The following SEMA3D variants were observed in gnomAD, a reference collection of about 807,000 sequenced individuals.
The protein encoded by SEMA3D is semaphorin-3D.
Under a neutral mutation model 100.1 loss-of-function variants are expected in SEMA3D, and 84 were observed. The observed-to-expected ratio is 0.84, with a 90% CI of 0.70 to 1.01. The LOEUF (loss-of-function observed/expected upper bound fraction) is 1.01, where lower values mean the gene tolerates loss of function less well. Ranked by LOEUF, SEMA3D falls within the 50% of genes least tolerant of loss-of-function variation. The probability of loss-of-function intolerance (pLI) is 0.00; values close to 1 mark genes in which losing one functional copy is unlikely to be tolerated. For missense variants in SEMA3D, 875 were observed against 934.1 expected (o/e 0.94, Z 0.82); for synonymous variants, 312 against 320.7 (o/e 0.97, Z 0.29).
chr7:85,116,366 TTATA>T (rs981423977), intron 3 of SEMA3D, among the ~76,000 whole-genome samples: 1 of 146,390 alleles, frequency 6.8e-6, no homozygotes. Flanking sequence ...TATAATATAT[TTATA>T]TATATTTATA....
At chr7:85,196,512 T>G in the SEMA3D span, among the ~76,000 whole-genome samples, 1 of 151,866 alleles carries the variant, frequency 6.6e-6, no homozygotes. Flanking sequence ...ATTAAGAAAG[T>G]AAAAAATCAA....
At chr7:85,073,179 A>T (rs932495406) in intron 5 of SEMA3D, 98 bp from the exon 6 acceptor site, 28 of 1,066,970 alleles carry the variant, frequency 2.6e-5, no homozygotes, top group Non-Finnish European at 3.9e-5. Context: ...AATCTTCAAA[A>T]ATAAGAGCAC....
At chr7:85,156,544 G>A (rs189613682) in intron 1 of SEMA3D, among the ~76,000 whole-genome samples, 14 of 152,022 alleles carry the variant, frequency 9.2e-5, no homozygotes, top group Non-Finnish European at 1.6e-4. Context: ...AAATAATATC[G>A]CTTTAAGACC....
Position 84,999,121 on chromosome 7 carries a change from A to G in SEMA3D, c.*319T>C, listed in dbSNP as rs1396986381. The stretch of plus-strand genomic sequence containing the variant: ...GAATAAAGCACCTTATACACTATCA[A>G]ATTCGGGGCTTGCTTAGCTCAACTA... On this transcript the variant is annotated 3_prime_UTR_variant, in exon 19 of 19. Transcript: ENST00000284136. 8.9e-6 allele frequency: 3 copies of G among 337,972 alleles called. No individual in the cohort carries two copies. The highest frequency in any genetic ancestry group is 1.6e-5 in the Non-Finnish European group (3 of 183,518). 20.9% of individuals were successfully genotyped at this position (337,972 alleles called of 1,614,324 possible).
At chr7:84,999,978 T>C in intron 18 of SEMA3D, 113 bp from the exon 19 acceptor site, 1 of 807,948 alleles carries the variant, frequency 1.2e-6, no homozygotes. Context: ...ATTCATTGTC[T>C]CTCTGTCTCT....
chr7:85,009,450 T>C (rs1330508659), intron 17 of SEMA3D, among the ~76,000 whole-genome samples: 1 of 151,728 alleles, frequency 6.6e-6, no homozygotes, highest in African/African-American at 2.4e-5. Flanking sequence ...AGCACACATT[T>C]ATGGTGGATT....
chr7:85,021,429 C>A (rs1279432752), intron 13 of SEMA3D, among the ~76,000 whole-genome samples: 1 of 151,744 alleles, frequency 6.6e-6, no homozygotes, highest in Non-Finnish European at 1.5e-5. Context: ...TCTCTTTTGT[C>A]TTGGGAATAT....
intron 13 of SEMA3D, 47 bp from the exon 14 acceptor site, chr7:85,020,368 T>C (rs763535965): frequency 7.1e-7 from 1 of 1,405,400 alleles, no homozygotes; most frequent in South Asian, 1.2e-5. Flanking sequence ...ATCTCAAAAA[T>C]TAGTGGTAAG....
intron 9 of SEMA3D, among the ~76,000 whole-genome samples, chr7:85,042,802 T>C (rs1331048648): frequency 6.6e-6 from 1 of 152,104 alleles, no homozygotes; most frequent in Non-Finnish European, 1.5e-5. Context: ...GCCTCCTAAG[T>C]AGCTGATACT....
chr7:85,231,897 G>C, the SEMA3D span, among the ~76,000 whole-genome samples: 1 of 152,088 alleles, frequency 6.6e-6, no homozygotes, highest in African/African-American at 2.4e-5. Context: ...AGAGTAAAAA[G>C]AGGAAAAACA....
intron 8 of SEMA3D, among the ~76,000 whole-genome samples, chr7:85,058,486 G>A (rs1484369806): frequency 1.3e-5 from 2 of 151,896 alleles, no homozygotes; most frequent in African/African-American, 2.4e-5. Context: ...TGTGGCTCAC[G>A]CCTATAATCC....
intron 3 of SEMA3D, among the ~76,000 whole-genome samples, chr7:85,115,164 T>A (rs1789202135): frequency 6.6e-6 from 1 of 152,174 alleles, no homozygotes; most frequent in Non-Finnish European, 1.5e-5. Flanking sequence ...GACAGGTAAA[T>A]GCCTCAGGAA....
chr7:85,033,384 C>T (rs555851585), intron 12 of SEMA3D, among the ~76,000 whole-genome samples: 1 of 152,182 alleles, frequency 6.6e-6, no homozygotes, highest in South Asian at 2.1e-4. Context: ...TCATGTAAAA[C>T]GTGAGTTCTC....
the SEMA3D span, among the ~76,000 whole-genome samples, chr7:85,201,164 GA>G: frequency 6.6e-6 from 1 of 152,108 alleles, no homozygotes; most frequent in African/African-American, 2.4e-5. Flanking sequence ...TGGGTCTTCT[GA>G]TTTTGCAGTT....
intron 1 of SEMA3D, among the ~76,000 whole-genome samples, chr7:85,155,409 T>TAA (rs1562838040): frequency 1.5e-4 from 23 of 152,184 alleles, no homozygotes; most frequent in African/African-American, 5.1e-4. Context: ...GAGGCTATCA[T>TAA]CTTAGTTTTA....
chr7:85,004,324 A>C (rs568262987), intron 18 of SEMA3D, among the ~76,000 whole-genome samples: 2 of 152,240 alleles, frequency 1.3e-5, no homozygotes, highest in Admixed American at 6.5e-5. Context: ...AAAGAACAAA[A>C]ATAAAATAAG....
intron 4 of SEMA3D, among the ~76,000 whole-genome samples, chr7:85,091,152 GGGAA>G (rs1186876239): frequency 2.1e-4 from 27 of 130,186 alleles, no homozygotes; most frequent in East Asian, 8.7e-4. Context: ...GAAGGAAGGA[GGGAA>G]GGAAGGAAGG....
chr7:85,028,259 C>A (rs1388238102), intron 12 of SEMA3D: 2 of 695,348 alleles, frequency 2.9e-6, no homozygotes, highest in Non-Finnish European at 5.2e-6. Context: ...GCTGTGGTCA[C>A]AGTGCCAGCT....
chr7:85,126,324 G>T (rs1469161816), intron 2 of SEMA3D, among the ~76,000 whole-genome samples: 3 of 151,276 alleles, frequency 2.0e-5, no homozygotes, highest in African/African-American at 7.3e-5. Flanking sequence ...ATTAAAATAT[G>T]TAAGTCTTCT....
Sources: allele counts gnomAD v4.1 joint callset (sites outside exome capture counted in the v4.1 genomes callset), GRCh38; gene constraint gnomAD v4.1.1; transcripts MANE v1.5; gene names NCBI Gene and HGNC (gene_info 2026-07-23, HGNC 2026-07-21).